Variants in ZBTB7A observed in about 807,000 individuals in gnomAD.
ZBTB7A encodes zinc finger and BTB domain-containing protein 7A.
In ZBTB7A, 7 loss-of-function variants were observed where a neutral mutation model predicts 26.7. The ratio of observed to expected loss-of-function variants is 0.26; its 90% CI spans 0.15 to 0.49. The LOEUF is 0.49. Ranked by LOEUF, ZBTB7A falls within the 20% of genes least tolerant of loss-of-function variation. The pLI, the probability that ZBTB7A is intolerant of heterozygous loss-of-function variation, is 0.98. For missense variants in ZBTB7A, 617 were observed against 919.5 expected, an observed-to-expected ratio of 0.67 and a Z score of 4.25; for synonymous variants, 452 against 441.0, an observed-to-expected ratio of 1.02 and a Z score of -0.31.
chr19:4,043,831 C>A lies in ZBTB7A; in HGVS notation c.*3921G>T, dbSNP rs2040377689. Among the ~76,000 whole-genome samples, 1 of 79,256 alleles carries A rather than the reference C, an allele frequency of 1.3e-5. No individual in the cohort carries two copies. The highest frequency in any genetic ancestry group is 5.3e-5 in the African/African-American group (1 of 18,908). 52.0% of individuals were successfully genotyped at this position (79,256 alleles called of 152,430 possible). A position where few individuals can be genotyped will look rare whatever the true frequency, so the allele number is the denominator to read the frequency against. On this transcript the variant is annotated 3_prime_UTR_variant, in exon 3 of 3. Coordinates refer to ENST00000322357, the MANE Select transcript of ZBTB7A (RefSeq NM_015898.4). The stretch of plus-strand genomic sequence containing the variant: ...CTCCAGGCCCCTGACCCGTCCTGCG[C>A]CAGCCACCCACCACCCCCCCCCCCC...
intron 2 of ZBTB7A, among the ~76,000 whole-genome samples, chr19:4,050,208 C>T (rs1046265744): frequency 2.0e-5 from 3 of 151,590 alleles, no homozygotes; most frequent in Non-Finnish European, 2.9e-5. Flanking sequence ...TACAGGCGTG[C>T]GCCACCACAC....
At chr19:4,057,852 C>G (rs1013707054) in intron 1 of ZBTB7A, among the ~76,000 whole-genome samples, 2 of 152,090 alleles carry the variant, frequency 1.3e-5, no homozygotes, top group Non-Finnish European at 2.9e-5. Context: ...CGAACCCCAC[C>G]GGCAGCACCC....
rs1353946563 is a variant in ZBTB7A, at chr19:4,046,977, G to GT, written c.*774dup. ...GTGGTCCCTGGGGGTCCCGCCGGTT[G>GT]TAAGTGCCGTGAAGGAAGGCGGCAG... On this transcript the variant is annotated 3_prime_UTR_variant, in exon 3 of 3. Transcript: ENST00000322357. 1.3e-5 allele frequency: 2 copies of GT among 151,972 alleles called. No homozygotes were observed. The highest frequency in any genetic ancestry group is 2.4e-5 in the African/African-American group (1 of 41,352). 9.4% of individuals were successfully genotyped at this position (151,972 alleles called of 1,614,324 possible).
In ZBTB7A at chr19:4,044,654, A is replaced by G. The variant is rs180924085; in HGVS notation, c.*3098T>C. 2.6e-4 allele frequency: 38 copies of G among 144,896 alleles called. No homozygotes were observed. In the East Asian group the frequency reaches 7.0e-3, roughly 27 times the overall value. The allele number at this position is 144,896 out of a possible 1,614,324, so 9.0% of individuals were successfully genotyped here. On this transcript the variant is annotated 3_prime_UTR_variant, in exon 3 of 3. Coordinates refer to ENST00000322357, the MANE Select transcript of ZBTB7A (RefSeq NM_015898.4). ...ACTTCACCATGAGAATGGAAATAAC[A>G]ATTTCGCATTGTTTTTCTTTTTTTT...
At chr19:4,053,894 A>G in intron 2 of ZBTB7A, 77 bp downstream of exon 2, 1 of 1,495,580 alleles carries the variant, frequency 6.7e-7, no homozygotes, top group Admixed American at 2.0e-5. Flanking sequence ...GTGCAGGGAG[A>G]GAGGCGGGAG....
chr19:4,063,842 T>C (rs2040663697), intron 1 of ZBTB7A, among the ~76,000 whole-genome samples: 1 of 152,164 alleles, frequency 6.6e-6, no homozygotes, highest in African/African-American at 2.4e-5. Flanking sequence ...CTCCCCTGCC[T>C]AGTACCGGCA....
intron 1 of ZBTB7A, among the ~76,000 whole-genome samples, chr19:4,060,846 C>T (rs566388175): frequency 2.0e-5 from 3 of 152,274 alleles, no homozygotes; most frequent in East Asian, 1.9e-4. Flanking sequence ...AGCAGGGGGC[C>T]GTCTAATGAG....
At chr19:4,057,649 C>T (rs946741866) in intron 1 of ZBTB7A, among the ~76,000 whole-genome samples, 5 of 151,708 alleles carry the variant, frequency 3.3e-5, no homozygotes, top group South Asian at 2.1e-4. Flanking sequence ...GGCCTGGTGG[C>T]GCGGGCCTAT....
intron 2 of ZBTB7A, 36 bp downstream of exon 2, chr19:4,053,935 A>T (rs201550257): frequency 1.3e-6 from 2 of 1,554,264 alleles, no homozygotes; most frequent in East Asian, 2.2e-5. Flanking sequence ...TGGGGCAGAG[A>T]GCAGGACGGC....
intron 1 of ZBTB7A, among the ~76,000 whole-genome samples, chr19:4,057,693 A>C (rs2040594931): frequency 6.6e-6 from 1 of 151,042 alleles, no homozygotes; most frequent in African/African-American, 2.4e-5. Flanking sequence ...AGGCAGGAGA[A>C]TCACTTGAAC....
chr19:4,056,249 G>A (rs921207757), intron 1 of ZBTB7A, among the ~76,000 whole-genome samples: 2 of 152,176 alleles, frequency 1.3e-5, no homozygotes, highest in South Asian at 2.1e-4. Context: ...CTGTGCATGA[G>A]GACAGTCAGG....
At position 4,054,624 on chromosome 19, in the gene ZBTB7A, G is replaced by A. The variant is rs760554592; in HGVS notation, c.609C>T (p.Ala203=). The change falls in exon 2 of 3, where the codon GCC becomes GCT. Residue 203 remains alanine, a synonymous_variant. Transcript: ENST00000322357. The part of the protein sequence containing the change: ...DDLDATKEAV[A]AAVAAVAAGD... ...CCGCGGCCACGGCGGCCACAGCGGC[G>A]GCCACGGCCTCCTTGGTGGCATCCA... The A allele has an allele frequency of 8.2e-6, 13 of 1,592,194 alleles. No homozygotes were observed. The highest frequency in any genetic ancestry group is 4.0e-5 in the African/African-American group (3 of 74,484).
At chr19:4,051,591 A>G (rs1339903048) in intron 2 of ZBTB7A, among the ~76,000 whole-genome samples, 1 of 152,222 alleles carries the variant, frequency 6.6e-6, no homozygotes, top group Non-Finnish European at 1.5e-5. Context: ...AGCCAACAGA[A>G]CGTGGTAACT....
intron 1 of ZBTB7A, among the ~76,000 whole-genome samples, chr19:4,057,589 A>T (rs879624651): frequency 1.3e-5 from 2 of 151,616 alleles, no homozygotes; most frequent in Admixed American, 6.6e-5. Flanking sequence ...AGAGATTGAG[A>T]CCATCCTGGG....
chr19:4,044,127 C>G lies in ZBTB7A; in HGVS notation c.*3625G>C, dbSNP rs1489231532. Among the ~76,000 whole-genome samples, 2 of 151,952 alleles carry G rather than the reference C, an allele frequency of 1.3e-5. No individual in the cohort carries two copies. Among genetic ancestry groups the G allele is most frequent in the East Asian group, 2.0e-4 (1 of 5,094 alleles). On this transcript the variant is annotated 3_prime_UTR_variant, in exon 3 of 3. Coordinates refer to ENST00000322357, the MANE Select transcript of ZBTB7A (RefSeq NM_015898.4). Reference sequence around the variant, plus strand: ...CCCCGGGGTCTGAATCGTGCAAAGACCCCTGTCCCCCACCTTCCCTGCAGC... The same window carrying G: ...CCCCGGGGTCTGAATCGTGCAAAGAGCCCTGTCCCCCACCTTCCCTGCAGC...
At chr19:4,053,934 G>T in intron 2 of ZBTB7A, 37 bp downstream of exon 2, 1 of 1,554,288 alleles carries the variant, frequency 6.4e-7, no homozygotes, top group Non-Finnish European at 8.7e-7. Context: ...CTGGGGCAGA[G>T]AGCAGGACGG....
chr19:4,054,688 C>T lies in ZBTB7A; in HGVS notation c.545G>A (p.Ser182Asn). Residue 182 changes from serine to asparagine, a missense_variant, in exon 2 of 3, where the codon AGC (serine) becomes AAC (asparagine). By Grantham distance (46) the Ser-to-Asn change is conservative. This residue lies in a region of ZBTB7A where 331 missense variants were observed against 391.3 expected (regional missense o/e 0.85). Coordinates refer to ENST00000322357, the MANE Select transcript of ZBTB7A (RefSeq NM_015898.4). ...LPPAAAAAAA[S>N]FPWSAFGASD... Reference sequence around the variant, plus strand: ...CGCCCCAAAGGCGGACCACGGGAAGCTGGCAGCGGCGGCGGCGGCCGCGGG... The same window carrying T: ...CGCCCCAAAGGCGGACCACGGGAAGTTGGCAGCGGCGGCGGCGGCCGCGGG... The T allele has an allele frequency of 6.3e-7, 1 of 1,591,782 alleles. No individual in the cohort carries two copies.
chr19:4,051,451 C>T (rs1336839125), intron 2 of ZBTB7A, among the ~76,000 whole-genome samples: 1 of 152,208 alleles, frequency 6.6e-6, no homozygotes, highest in Non-Finnish European at 1.5e-5. Context: ...CTAAGTCCCT[C>T]CCTCTGGCAC....
At chr19:4,051,845 A>G (rs1189158986) in intron 2 of ZBTB7A, among the ~76,000 whole-genome samples, 1 of 152,234 alleles carries the variant, frequency 6.6e-6, no homozygotes, top group Non-Finnish European at 1.5e-5. Context: ...AGCAGGCCAG[A>G]GGGCCACGCA....
Sources: allele counts gnomAD v4.1 joint callset (sites outside exome capture counted in the v4.1 genomes callset), GRCh38; gene constraint gnomAD v4.1.1; regional missense constraint gnomAD v4.1.1; transcripts MANE v1.5; gene names NCBI Gene and HGNC (gene_info 2026-07-23, HGNC 2026-07-21).